Variants in PRDM1 observed in about 807,000 individuals in gnomAD.
PRDM1 encodes the protein PR/SET domain 1, also known as PR domain zinc finger protein 1.
In PRDM1, 13 loss-of-function variants were observed where a neutral mutation model predicts 62.8. That is an observed-to-expected ratio of 0.21 (90% CI 0.13 to 0.33). The LOEUF is 0.33. Ranked by LOEUF, PRDM1 falls within the 10% of genes least tolerant of loss-of-function variation. PRDM1 has a pLI of 1.00. For missense variants in PRDM1, 895 were observed against 1,058.8 expected, an observed-to-expected ratio of 0.85 and a Z score of 2.15; for synonymous variants, 396 against 417.6, an observed-to-expected ratio of 0.95 and a Z score of 0.63.
chr6:106,073,457 T>A (rs1260360860), intron 1 of PRDM1, among the ~76,000 whole-genome samples: 1 of 152,192 alleles, frequency 6.6e-6, no homozygotes, highest in Non-Finnish European at 1.5e-5. Flanking sequence ...TACTGTATCA[T>A]CATATATCAT....
At chr6:106,046,900 G>A (rs1374226544), upstream of PRDM1, 3 of 152,246 alleles carry the variant, frequency 2.0e-5, no homozygotes, top group East Asian at 5.8e-4. Context: ...CATGTCCTGA[G>A]ATATATTCTT....
At position 106,037,826 on chromosome 6, in the gene PRDM1, T is replaced by C. The variant is rs529765101; in HGVS notation, c.-67+44187T>C. On this transcript the variant is annotated intron_variant, in intron 1 of 6. Transcript: ENST00000652320. The stretch of plus-strand genomic sequence containing the variant: ...AAGACTGTTTTTTATAGTCTTTGTC[T>C]AGTAGGTCTGCTATCTCATCTTTCT... Among the ~76,000 whole-genome samples the C allele has an allele frequency of 1.3e-3, 199 of 151,950 alleles. 1 individual carries two copies. Among genetic ancestry groups the C allele is most frequent in the African/African-American group, 4.8e-3 (198 of 41,488 alleles).
intron 1 of PRDM1, among the ~76,000 whole-genome samples, chr6:106,032,800 C>T (rs946069034): frequency 6.6e-6 from 1 of 152,190 alleles, no homozygotes; most frequent in African/African-American, 2.4e-5. Context: ...TAATCACCCT[C>T]ATACAATTTG....
intron 1 of PRDM1, among the ~76,000 whole-genome samples, chr6:106,066,234 G>A (rs1368954880): frequency 6.6e-6 from 1 of 152,086 alleles, no homozygotes; most frequent in Admixed American, 6.5e-5. Flanking sequence ...TATCCCTGCT[G>A]GTTAAGCCCC....
At position 106,092,836 on chromosome 6, in the gene PRDM1, C is replaced by T. The variant is rs143545172; in HGVS notation, c.292-2779C>T. 9.9e-4 allele frequency among the ~76,000 whole-genome samples: 151 copies of T among 152,260 alleles called. 2 individuals are homozygous for T. The highest frequency in any genetic ancestry group is 3.4e-3 in the Middle Eastern group (1 of 294). On this transcript the variant is annotated intron_variant, in intron 2 of 6. Transcript: ENST00000369096. ...TGAAGATGTTTACTGTATATTAGAA[C>T]GCTAGACTTAGAATGGATATAGGTG...
At chr6:106,088,999 G>A (rs909730564) in intron 2 of PRDM1, among the ~76,000 whole-genome samples, 33 of 152,152 alleles carry the variant, frequency 2.2e-4, no homozygotes, top group African/African-American at 8.0e-4. Context: ...CCTCTGTCTG[G>A]ATGACTTCAG....
At chr6:106,095,996 G>A in intron 3 of PRDM1, 1 of 360,664 alleles carries the variant, frequency 2.8e-6, no homozygotes, top group Non-Finnish European at 5.1e-6. Context: ...GTAATGAAAG[G>A]AAACAGTTTG....
chr6:106,052,842 C>A (rs536812181), intron 1 of PRDM1, among the ~76,000 whole-genome samples: 1 of 152,006 alleles, frequency 6.6e-6, no homozygotes, highest in Admixed American at 6.6e-5. Context: ...ATGGTGCACA[C>A]CTGTAGTCCT....
intron 1 of PRDM1, among the ~76,000 whole-genome samples, chr6:106,080,809 C>T (rs1250500486): frequency 1.3e-5 from 2 of 152,174 alleles, no homozygotes; most frequent in Admixed American, 6.5e-5. Context: ...AGCACCAAAC[C>T]GCTCCTTCCC....
upstream of PRDM1, chr6:106,046,429 C>T (rs1239361356): frequency 2.0e-5 from 3 of 152,388 alleles, no homozygotes; most frequent in South Asian, 2.1e-4. Flanking sequence ...CCGCACCGAA[C>T]CATTCAGGTA....
At chr6:106,085,009 A>G (rs1445531016), upstream of PRDM1, among the ~76,000 whole-genome samples, 3 of 152,224 alleles carry the variant, frequency 2.0e-5, no homozygotes, top group Non-Finnish European at 2.9e-5. Flanking sequence ...CCCCTAAAAA[A>G]AATTCTAGAA....
intron 1 of PRDM1, among the ~76,000 whole-genome samples, chr6:106,087,185 GA>G: frequency 6.6e-6 from 1 of 152,118 alleles, no homozygotes; most frequent in South Asian, 2.1e-4. Context: ...TTTGCCTTTG[GA>G]AAACAGTTTT....
chr6:106,087,597 G>A (rs1773842157), intron 1 of PRDM1: 1 of 232,474 alleles, frequency 4.3e-6, no homozygotes. Flanking sequence ...AGTCTTCCAT[G>A]TGAGAGGATG....
chr6:106,085,226 G>A (rs1414679284), upstream of PRDM1, among the ~76,000 whole-genome samples: 2 of 152,018 alleles, frequency 1.3e-5, no homozygotes, highest in African/African-American at 2.4e-5. Flanking sequence ...GTGTGCACAC[G>A]TGTATTTAAA....
At chr6:106,036,915 G>C (rs10457140) in intron 1 of PRDM1, among the ~76,000 whole-genome samples, 10,501 of 152,246 alleles carry the variant, frequency 0.069, 486 homozygotes, top group Middle Eastern at 0.11. Flanking sequence ...CTGGACTCAA[G>C]TGATTTTCCT....
rs1774631573 is a variant in PRDM1 at position 106,109,645 on chromosome 6, C to T, written c.*2159C>T. 2 of 233,382 alleles carry T rather than the reference C, an allele frequency of 8.6e-6. No individual in the cohort carries two copies. The highest frequency in any genetic ancestry group is 4.4e-5 in the African/African-American group (2 of 45,436). The allele number at this position is 233,382 out of a possible 1,614,324, so 14.5% of individuals were successfully genotyped here. A position where few individuals can be genotyped will look rare whatever the true frequency, so the allele number is the denominator to read the frequency against. On this transcript the variant is annotated 3_prime_UTR_variant, in exon 7 of 7. Transcript: ENST00000369096. ...CAAATACTTTTGATTCCCAACTACT[C>T]GTTTGTTCTTTTTCTCCTTTTGTGC...
chr6:106,031,178 C>T (rs1462508744), intron 1 of PRDM1, among the ~76,000 whole-genome samples: 1 of 152,122 alleles, frequency 6.6e-6, no homozygotes. Context: ...ATATATTGAA[C>T]AACTTCTGTG....
At chr6:105,997,050 A>G (rs986422696) in intron 1 of PRDM1, among the ~76,000 whole-genome samples, 2 of 152,228 alleles carry the variant, frequency 1.3e-5, no homozygotes, top group African/African-American at 4.8e-5. Context: ...AATTCTGAGC[A>G]GTAAAAAAAT....
upstream of PRDM1, among the ~76,000 whole-genome samples, chr6:106,085,685 A>G (rs1463141898): frequency 1.3e-5 from 2 of 151,938 alleles, no homozygotes; most frequent in Non-Finnish European, 2.9e-5. Context: ...TTTTACTTAC[A>G]CTCCTGGGAA....
Sources: allele counts gnomAD v4.1 joint callset (sites outside exome capture counted in the v4.1 genomes callset), GRCh38; gene constraint gnomAD v4.1.1; transcripts MANE v1.5; gene names NCBI Gene and HGNC (gene_info 2026-07-23, HGNC 2026-07-21).